The following PADI3 variants were observed in gnomAD, a reference collection of about 807,000 sequenced individuals.
PADI3 encodes peptidyl arginine deiminase 3.
In PADI3, 53 loss-of-function variants were observed where a neutral mutation model predicts 71.5. The observed-to-expected ratio is 0.74, with a 90% CI of 0.59 to 0.93. The LOEUF is 0.93. Among genes scored for constraint, PADI3 ranks in the 40% least tolerant of loss-of-function variants. The pLI is 0.00. For missense variants in PADI3, 821 were observed against 868.0 expected (o/e 0.95, Z 0.68); for synonymous variants, 361 against 347.5 (o/e 1.04, Z -0.43).
intron 14 of PADI3, 50 bp from the exon 15 acceptor site, chr1:17,280,621 C>A: frequency 6.2e-7 from 1 of 1,612,868 alleles, no homozygotes; most frequent in Non-Finnish European, 8.5e-7. Context: ...TTGGTGCCCC[C>A]AAAACACACT....
At chr1:17,261,194 G>T (rs540649079) in intron 2 of PADI3, among the ~76,000 whole-genome samples, 1 of 152,168 alleles carries the variant, frequency 6.6e-6, no homozygotes, top group Non-Finnish European at 1.5e-5. Flanking sequence ...AATACCCCAA[G>T]GGGAGGGTCA....
At chr1:17,264,895 C>A (rs969928343) in intron 3 of PADI3, among the ~76,000 whole-genome samples, 1 of 151,622 alleles carries the variant, frequency 6.6e-6, no homozygotes, top group Non-Finnish European at 1.5e-5. Flanking sequence ...CCAGTAGTCC[C>A]AGCCTCAGGA....
chr1:17,281,161 A>T (rs34826223), intron 15 of PADI3, among the ~76,000 whole-genome samples: 1 of 152,202 alleles, frequency 6.6e-6, no homozygotes, highest in Non-Finnish European at 1.5e-5. Flanking sequence ...TCCATCCCAC[A>T]TGTATTTAGG....
chr1:17,271,847 AAAAAAAAAG>A (rs1288235645), intron 9 of PADI3, among the ~76,000 whole-genome samples: 12 of 146,728 alleles, frequency 8.2e-5, no homozygotes, highest in African/African-American at 3.0e-4. Flanking sequence ...AAAAAAAAAA[AAAAAAAAAG>A]AGAGAGAGAG....
intron 1 of PADI3, among the ~76,000 whole-genome samples, chr1:17,253,510 C>A (rs1208322917): frequency 6.6e-6 from 1 of 152,172 alleles, no homozygotes. Context: ...CCTAAGAGAC[C>A]ACACCTGGCA....
rs558259276 is a variant in PADI3, at chr1:17,281,576, CTGGGATTG to C, written c.1761+789_1761+796del. Among the ~76,000 whole-genome samples the C allele has an allele frequency of 3.5e-3, 526 of 152,122 alleles. 5 individuals are homozygous for C. Among genetic ancestry groups the C allele is most frequent in the African/African-American group, 0.012 (503 of 41,480 alleles). ...TCTCCTGCCTCAGCCTCCTGAGTAG[CTGGGATTG>C]TGGGATTGCAGGCGTGCACCACCAC... On this transcript the variant is annotated intron_variant, in intron 15 of 15. Transcript: ENST00000375460.
chr1:17,273,298 G>A, intron 9 of PADI3, 42 bp from the exon 10 acceptor site: 1 of 1,467,088 alleles, frequency 6.8e-7, no homozygotes, highest in South Asian at 1.2e-5. Flanking sequence ...GGCAGCTGTT[G>A]ACTGTCACAG....
chr1:17,277,217 G>A (rs1025081746), intron 13 of PADI3, among the ~76,000 whole-genome samples: 1 of 151,568 alleles, frequency 6.6e-6, no homozygotes, highest in Admixed American at 6.6e-5. Context: ...TTTTTGAGAC[G>A]GAGTTTCACT....
intron 3 of PADI3, among the ~76,000 whole-genome samples, chr1:17,264,886 C>A (rs147685322): frequency 1.8e-3 from 279 of 151,826 alleles, no homozygotes; most frequent in African/African-American, 6.2e-3. Context: ...TGGCATGCAC[C>A]AGTAGTCCCA....
intron 9 of PADI3, among the ~76,000 whole-genome samples, chr1:17,271,688 A>C (rs1183875342): frequency 6.6e-6 from 1 of 151,898 alleles, no homozygotes; most frequent in Non-Finnish European, 1.5e-5. Flanking sequence ...CTCTGCAAAA[A>C]AGTTAAAAAA....
intron 1 of PADI3, among the ~76,000 whole-genome samples, chr1:17,257,023 C>A (rs1180649073): frequency 9.1e-6 from 1 of 110,112 alleles, no homozygotes; most frequent in Non-Finnish European, 1.7e-5. Context: ...CAGAGCAAGA[C>A]TCTGTCTCAA....
intron 15 of PADI3, 128 bp downstream of exon 15, chr1:17,280,924 G>A: frequency 1.7e-6 from 2 of 1,158,904 alleles, no homozygotes; most frequent in Non-Finnish European, 1.2e-6. Flanking sequence ...GGGAGAATCA[G>A]GGGTCCTATG....
rs994603571 is a variant in PADI3 at position 17,249,305 on chromosome 1, A to C, written c.92+76A>C. On this transcript the variant is annotated intron_variant, in intron 1 of 15. Transcript: ENST00000375460. ...GGACCTTCCTCCCTGCAGGCTGGGC[A>C]GGGCTTCTTCAGGGCCCACTCCCCA... The C allele has an allele frequency of 2.1e-5, 26 of 1,267,676 alleles. No individual in the cohort carries two copies. In the African/African-American group the frequency reaches 3.7e-4, roughly 18 times the overall value. 78.5% of individuals were successfully genotyped at this position (1,267,676 alleles called of 1,614,324 possible).
chr1:17,254,338 G>C (rs1364165497), intron 1 of PADI3, among the ~76,000 whole-genome samples: 1 of 152,136 alleles, frequency 6.6e-6, no homozygotes, highest in African/African-American at 2.4e-5. Flanking sequence ...CAACCTTTCG[G>C]TGTTCAGCCA....
At chr1:17,249,341 C>G in intron 1 of PADI3, 112 bp downstream of exon 1, 1 of 851,720 alleles carries the variant, frequency 1.2e-6, no homozygotes, top group South Asian at 1.4e-5. Flanking sequence ...GCCTTGGCCT[C>G]GGAACAGCAG....
intron 3 of PADI3, 49 bp from the exon 4 acceptor site, chr1:17,265,610 T>C (rs1343899969): frequency 1.3e-6 from 2 of 1,549,970 alleles, no homozygotes; most frequent in Non-Finnish European, 1.8e-6. Flanking sequence ...AGGCCTGCCC[T>C]GGGCTCCTGG....
chr1:17,261,366 C>T (rs868290395), intron 2 of PADI3, among the ~76,000 whole-genome samples: 11 of 152,322 alleles, frequency 7.2e-5, no homozygotes, highest in African/African-American at 2.6e-4. Flanking sequence ...TTCACAGCCT[C>T]TAATTAGTCC....
chr1:17,282,038 C>T (rs1330286810), intron 15 of PADI3, among the ~76,000 whole-genome samples: 1 of 152,186 alleles, frequency 6.6e-6, no homozygotes, highest in East Asian at 1.9e-4. Flanking sequence ...TTGCTTCATG[C>T]CCCGCTTTTT....
At chr1:17,251,285 G>A (rs1364004660) in intron 1 of PADI3, among the ~76,000 whole-genome samples, 1 of 152,160 alleles carries the variant, frequency 6.6e-6, no homozygotes, top group Non-Finnish European at 1.5e-5. Context: ...TTAGTTCTGA[G>A]GTCCCTCCCG....
Sources: allele counts gnomAD v4.1 joint callset (sites outside exome capture counted in the v4.1 genomes callset), GRCh38; gene constraint gnomAD v4.1.1; transcripts MANE v1.5; gene names NCBI Gene and HGNC (gene_info 2026-07-23, HGNC 2026-07-21).